The following SH2B1 variants were observed in gnomAD, a reference collection of about 807,000 sequenced individuals.
SH2B1 encodes SH2B adaptor protein 1, also known as SH2B adapter protein 1.
SH2B1 carries 15 observed loss-of-function variants against 62.6 expected under a neutral mutation model. That is an observed-to-expected ratio of 0.24 (90% CI 0.16 to 0.37). SH2B1 has a LOEUF of 0.37. Among genes scored for constraint, SH2B1 ranks in the 10% least tolerant of loss-of-function variants. The pLI is 1.00. For missense variants in SH2B1, 925 were observed against 1,015.6 expected (o/e 0.91, Z 1.21); for synonymous variants, 443 against 438.0 (o/e 1.01, Z -0.14).
chr16:28,859,467 C>T (rs1406730726), upstream of SH2B1, among the ~76,000 whole-genome samples: 4 of 152,124 alleles, frequency 2.6e-5, no homozygotes, highest in African/African-American at 9.7e-5. Flanking sequence ...AAGCTATACT[C>T]TTTTTCTGCC....
chr16:28,853,484 T>C (rs909290960), intron 1 of SH2B1, among the ~76,000 whole-genome samples: 4 of 149,442 alleles, frequency 2.7e-5, no homozygotes, highest in African/African-American at 9.8e-5. Context: ...ATTACAGGCA[T>C]GAGCCACTAC....
At chr16:28,859,294 A>G (rs904859166), upstream of SH2B1, among the ~76,000 whole-genome samples, 51 of 152,128 alleles carry the variant, frequency 3.4e-4, no homozygotes, top group African/African-American at 1.2e-3. Flanking sequence ...AAGGTTTATC[A>G]CATAGATAGA....
chr16:28,852,355 T>C (rs192739404), intron 1 of SH2B1, among the ~76,000 whole-genome samples: 4,267 of 18,146 alleles, frequency 0.24, 1,103 homozygotes, highest in South Asian at 0.6. Context: ...TATATATTTA[T>C]ATATATATTT....
Position 28,873,852 on chromosome 16 carries a change from C to A in SH2B1, c.*32C>A. 6.4e-6 allele frequency: 9 copies of A among 1,402,924 alleles called. No homozygotes were observed. Among genetic ancestry groups the A allele is most frequent in the Non-Finnish European group, 8.3e-6 (9 of 1,081,364 alleles). The allele number at this position is 1,402,924 out of a possible 1,614,324, so 86.9% of individuals were successfully genotyped here. On this transcript the variant is annotated 3_prime_UTR_variant, in exon 8 of 8. Coordinates refer to ENST00000684370, the MANE Select transcript of SH2B1 (RefSeq NM_001387430.1). The surrounding 1 kb of genome is among the most constrained non-coding windows in gnomAD (Gnocchi z 4.2). ...CCCACCCGCTCCACCCTTTTTAAAC[C>A]CCCCAGCCCTGCTCGTGAGATTGGG...
At chr16:28,852,002 G>A (rs1048167755) in intron 1 of SH2B1, among the ~76,000 whole-genome samples, 1 of 149,298 alleles carries the variant, frequency 6.7e-6, no homozygotes, top group Admixed American at 6.7e-5. Flanking sequence ...AGGAGGCGGA[G>A]GTTGCAGTGA....
At chr16:28,860,797 C>T (rs1310362090), upstream of SH2B1, among the ~76,000 whole-genome samples, 3 of 136,362 alleles carry the variant, frequency 2.2e-5, no homozygotes, top group East Asian at 4.3e-4. Flanking sequence ...TCTGTTCCAA[C>T]AGTTAGGACT....
chr16:28,868,540 A>G (rs2152180537), intron 2 of SH2B1, among the ~76,000 whole-genome samples: 1 of 150,896 alleles, frequency 6.6e-6, no homozygotes, highest in Non-Finnish European at 1.5e-5. Flanking sequence ...GCTCACTGCA[A>G]CCTCCGCCTC....
In SH2B1 at chr16:28,864,451, C is replaced by A; in HGVS notation, c.-1644C>A. ...TTGGTTTGCACTTCTTGGCTGGGTT[C>A]CCCCGTGCTCCATGACTCCTGCATC... On this transcript the variant is annotated 5_prime_UTR_variant, in exon 1 of 8. Coordinates refer to ENST00000684370, the MANE Select transcript of SH2B1 (RefSeq NM_001387430.1). The A allele has an allele frequency of 1.0e-6, 1 of 986,226 alleles. No individual in the cohort carries two copies. The highest frequency in any genetic ancestry group is 1.1e-4 in the East Asian group (1 of 8,934). The allele number at this position is 986,226 out of a possible 1,614,324, so 61.1% of individuals were successfully genotyped here.
rs1027330818 is a variant in SH2B1, at chr16:28,866,037, T to C, written c.-58T>C. The C allele has an allele frequency of 3.9e-5, 58 of 1,503,748 alleles. No individual in the cohort carries two copies. Among genetic ancestry groups the C allele is most frequent in the Non-Finnish European group, 4.8e-5 (55 of 1,134,800 alleles). 93.2% of individuals were successfully genotyped at this position (1,503,748 alleles called of 1,614,324 possible). On this transcript the variant is annotated 5_prime_UTR_variant, in exon 1 of 8. Coordinates refer to ENST00000684370, the MANE Select transcript of SH2B1 (RefSeq NM_001387430.1). The surrounding 1 kb of genome is among the most constrained non-coding windows in gnomAD (Gnocchi z 6.3). Reference sequence around the variant, plus strand: ...CTGCTGCCGCCCACCCCTCGTCTTCTGGCTGCCTCCCTCTTTGTGCCCCAC... The same window carrying C: ...CTGCTGCCGCCCACCCCTCGTCTTCCGGCTGCCTCCCTCTTTGTGCCCCAC...
chr16:28,865,538 GA>G lies in SH2B1; in HGVS notation c.-553del. The stretch of plus-strand genomic sequence containing the variant: ...CTGGGGACAGGGACTATGAAGTGGG[GA>G]AAACAGTAGACTTGGAGTTCTGAAA... On this transcript the variant is annotated 5_prime_UTR_variant, in exon 1 of 8. The change abolishes the stop of an existing upstream ORF in the 5' untranslated region. Coordinates refer to ENST00000684370, the MANE Select transcript of SH2B1 (RefSeq NM_001387430.1). 3.0e-6 allele frequency: 3 copies of G among 985,642 alleles called. No individual in the cohort carries two copies. Among genetic ancestry groups the G allele is most frequent in the Non-Finnish European group, 3.6e-6 (3 of 830,030 alleles). 61.1% of individuals were successfully genotyped at this position (985,642 alleles called of 1,614,324 possible).
At position 28,867,321 on chromosome 16, in the gene SH2B1, C is replaced by T. The variant is rs369977270; in HGVS notation, c.940-10C>T. 4 of 1,605,922 alleles carry T rather than the reference C, an allele frequency of 2.5e-6. No homozygotes were observed. The African/African-American group carries it at 4.0e-5, about 16-fold the overall frequency. On this transcript the variant is annotated splice_polypyrimidine_tract_variant and intron_variant, in intron 1 of 7. Coordinates refer to ENST00000684370, the MANE Select transcript of SH2B1 (RefSeq NM_001387430.1). ...CAAACACCCAGATCTGTTTCTTTCT[C>T]CTGACTTAGGCCTCTCGGCCCCGAC...
At position 28,863,951 on chromosome 16, in the gene SH2B1, A is replaced by G; in HGVS notation, c.-2144A>G. On this transcript the variant is annotated 5_prime_UTR_variant, in exon 1 of 8. Coordinates refer to ENST00000684370, the MANE Select transcript of SH2B1 (RefSeq NM_001387430.1). ...CCTCGGGGACCGAGATGCAGGTGGG[A>G]CCGGAACCGGAACCCCCCTCTTCAA... 1 of 1,447,276 alleles carries G rather than the reference A, an allele frequency of 6.9e-7. No homozygotes were observed. Among genetic ancestry groups the G allele is most frequent in the Non-Finnish European group, 9.0e-7 (1 of 1,106,912 alleles). The allele number at this position is 1,447,276 out of a possible 1,614,324, so 89.7% of individuals were successfully genotyped here.
rs12599217 is a variant in SH2B1, at chr16:28,871,086, C to T, written c.1310-694C>T. 3.9e-4 allele frequency among the ~76,000 whole-genome samples: 60 copies of T among 152,002 alleles called. No individual in the cohort carries two copies. In the East Asian group the frequency reaches 6.2e-3, roughly 16 times the overall value. ...AGGCTGCAGTGCAGTGAAACAATCTCGGCTCACTGCAACCTCTGCCTCCCG... is the reference window on the plus strand; with the variant it reads ...AGGCTGCAGTGCAGTGAAACAATCTTGGCTCACTGCAACCTCTGCCTCCCG... On this transcript the variant is annotated intron_variant, in intron 4 of 7. Transcript: ENST00000684370.
intron 4 of SH2B1, among the ~76,000 whole-genome samples, chr16:28,870,346 G>C (rs951552826): frequency 6.6e-6 from 1 of 152,138 alleles, no homozygotes; most frequent in Non-Finnish European, 1.5e-5. Context: ...CAGGAATCAC[G>C]TTGGGAGCTC....
At chr16:28,852,828 TTA>T (rs369086070) in intron 1 of SH2B1, among the ~76,000 whole-genome samples, 23,094 of 58,570 alleles carry the variant, frequency 0.39, 7,581 homozygotes, top group South Asian at 0.8. Context: ...ACATATATAT[TTA>T]TATATATATA....
At chr16:28,852,305 T>TATATATATTTAC (rs1962129474) in intron 1 of SH2B1, among the ~76,000 whole-genome samples, 1 of 63,928 alleles carries the variant, frequency 1.6e-5, no homozygotes, top group Non-Finnish European at 2.8e-5. Flanking sequence ...TATATTTACA[T>TATATATATTTAC]ATATATATTT....
Position 28,872,945 on chromosome 16 carries a change from G to T in SH2B1, c.1897+240G>T. 1.5e-6 allele frequency: 1 copy of T among 645,548 alleles called. No homozygotes were observed. Among genetic ancestry groups the T allele is most frequent in the Non-Finnish European group, 2.7e-6 (1 of 371,610 alleles). The allele number at this position is 645,548 out of a possible 1,614,324, so 40.0% of individuals were successfully genotyped here. ...GGCGGCAGCTGAGAGGTGGGCGGGC[G>T]CATCCCCATTCCATCGGATCCTCTG... On this transcript the variant is annotated intron_variant, in intron 7 of 7. Coordinates refer to ENST00000684370, the MANE Select transcript of SH2B1 (RefSeq NM_001387430.1). This position sits in a 1 kb window ranked among gnomAD's most constrained non-coding sequence, Gnocchi z 5.3.
chr16:28,847,551 T>G (rs1208554954), intron 1 of SH2B1, among the ~76,000 whole-genome samples: 1 of 152,060 alleles, frequency 6.6e-6, no homozygotes. Context: ...GTGGCTATAG[T>G]GCCAGCCTAT....
chr16:28,854,796 C>T (rs374447905), intron 1 of SH2B1, among the ~76,000 whole-genome samples: 1 of 152,104 alleles, frequency 6.6e-6, no homozygotes, highest in East Asian at 1.9e-4. Context: ...TCCGTGTGTC[C>T]CACAAGGCCT....
Sources: gnomAD v4.1 joint callset for allele counts (sites outside exome capture counted in the v4.1 genomes callset) on GRCh38, gnomAD v4.1.1 for gene constraint, Gnocchi (gnomAD v3.1) non-coding constraint, MANE v1.5 for transcripts, NCBI Gene and HGNC (gene_info 2026-07-23, HGNC 2026-07-21) for gene names.